TRIM14: variants seen among roughly 807,000 people sequenced by gnomAD.
TRIM14 encodes tripartite motif containing 14.
Under a neutral mutation model 44.5 loss-of-function variants are expected in TRIM14, and 28 were observed. The observed-to-expected ratio is 0.63, with a 90% CI of 0.47 to 0.86. TRIM14 has a LOEUF of 0.86. Ranked by LOEUF, TRIM14 falls within the 40% of genes least tolerant of loss-of-function variation. The pLI is 0.00. For missense variants in TRIM14, 607 were observed against 611.1 expected, an observed-to-expected ratio of 0.99 and a Z score of 0.07; for synonymous variants, 299 against 269.2, an observed-to-expected ratio of 1.11 and a Z score of -1.08.
chr9:98,068,446 CT>C (rs372735377), downstream of TRIM14, among the ~76,000 whole-genome samples: 25 of 148,882 alleles, frequency 1.7e-4, no homozygotes, highest in African/African-American at 4.7e-4. Context: ...CCATTTTTAG[CT>C]TTTTTTTTTC....
At chr9:98,111,080 G>C (rs1826836617) in intron 1 of TRIM14, among the ~76,000 whole-genome samples, 1 of 151,460 alleles carries the variant, frequency 6.6e-6, no homozygotes, top group Non-Finnish European at 1.5e-5. Flanking sequence ...ATTATCAGGT[G>C]CTGCTAGCTT....
At chr9:98,072,024 T>C (rs1829357282) in intron 6 of TRIM14, among the ~76,000 whole-genome samples, 1 of 152,224 alleles carries the variant, frequency 6.6e-6, no homozygotes, top group Non-Finnish European at 1.5e-5. Flanking sequence ...TTGGTTTTCC[T>C]TCCCTCTGCT....
the TRIM14 span, among the ~76,000 whole-genome samples, chr9:98,044,183 G>A: frequency 6.6e-6 from 1 of 151,574 alleles, no homozygotes; most frequent in Non-Finnish European, 1.5e-5. Flanking sequence ...CCTTCAGGAG[G>A]GCTGAAAGTG....
At chr9:98,091,292 T>C (rs1825984511) in intron 5 of TRIM14, among the ~76,000 whole-genome samples, 1 of 151,908 alleles carries the variant, frequency 6.6e-6, no homozygotes, top group Non-Finnish European at 1.5e-5. Context: ...CTAAAAACAA[T>C]GATAAAAATA....
the TRIM14 span, among the ~76,000 whole-genome samples, chr9:98,043,886 A>C: frequency 6.6e-6 from 1 of 152,164 alleles, no homozygotes; most frequent in African/African-American, 2.4e-5. Context: ...TCTTGTGCAC[A>C]AAGACCATAA....
At chr9:98,107,714 T>C (rs1564187092) in intron 2 of TRIM14, among the ~76,000 whole-genome samples, 2 of 152,032 alleles carry the variant, frequency 1.3e-5, no homozygotes, top group Admixed American at 6.6e-5. Flanking sequence ...TCATCCAGGC[T>C]GGAGTACAGA....
intron 6 of TRIM14, among the ~76,000 whole-genome samples, chr9:98,074,351 A>G (rs1829485475): frequency 6.6e-6 from 1 of 152,130 alleles, no homozygotes; most frequent in Non-Finnish European, 1.5e-5. Context: ...GCCGGGCTGC[A>G]TGGAACCCCA....
chr9:98,087,927 C>T lies in TRIM14; in HGVS notation c.872G>A (p.Cys291Tyr). ...RLSADRLTVRCGLLGSLGPVP... is the reference protein window; with the variant it reads ...RLSADRLTVRYGLLGSLGPVP... ...GGGCCCCAGGCTGCCCAGCAGGCCG[C>T]AGCGCACCGTCAGGCGATCGGCGGA... The change falls in exon 6 of 6, where the codon TGC becomes TAC. Residue 291 changes from cysteine (C) to tyrosine (Y), a missense_variant. Cys to Tyr is a radical substitution (Grantham distance 194). Coordinates refer to ENST00000341469, the MANE Select transcript of TRIM14 (RefSeq NM_014788.4). The T allele has an allele frequency of 6.4e-7, 1 of 1,566,310 alleles. No individual in the cohort carries two copies. The highest frequency in any genetic ancestry group is 1.7e-4 in the Middle Eastern group (1 of 5,948).
intron 2 of TRIM14, among the ~76,000 whole-genome samples, chr9:98,104,273 G>A (rs931955740): frequency 3.9e-5 from 6 of 152,210 alleles, no homozygotes; most frequent in Non-Finnish European, 7.3e-5. Context: ...ATGAACACAT[G>A]TTGAAGCAAC....
chr9:98,104,193 C>G (rs946922218), intron 2 of TRIM14, among the ~76,000 whole-genome samples: 1 of 152,046 alleles, frequency 6.6e-6, no homozygotes, highest in African/African-American at 2.4e-5. Context: ...GGTCAATGAG[C>G]CTGGACACAA....
chr9:98,099,826 T>C, intron 3 of TRIM14, 105 bp downstream of exon 3: 2 of 952,966 alleles, frequency 2.1e-6, no homozygotes, highest in Non-Finnish European at 3.2e-6. Flanking sequence ...AAGACAATAG[T>C]CCATGTACTT....
Position 98,095,098 on chromosome 9 carries a change from A to G in TRIM14, c.538-69T>C. 7 of 1,533,996 alleles carry G rather than the reference A, an allele frequency of 4.6e-6. No homozygotes were observed. The highest frequency in any genetic ancestry group is 6.1e-6 in the Non-Finnish European group (7 of 1,143,802). ...GCAGCATCCCAGCCTCCTGTGCTGC[A>G]CCCAGGAACAAACCCACACCAGCAT... is the stretch of plus-strand genomic sequence containing the variant. On this transcript the variant is annotated intron_variant, in intron 3 of 5. Transcript: ENST00000341469. The surrounding 1 kb of genome is among the most constrained non-coding windows in gnomAD (Gnocchi z 4.1).
chr9:98,113,513 C>T (rs1210568386), intron 1 of TRIM14, among the ~76,000 whole-genome samples: 1 of 152,124 alleles, frequency 6.6e-6, no homozygotes, highest in Non-Finnish European at 1.5e-5. Flanking sequence ...CACCACCACA[C>T]GCAGCTAATT....
At chr9:98,099,794 G>A (rs573680409) in intron 3 of TRIM14, 137 bp downstream of exon 3, 10 of 713,182 alleles carry the variant, frequency 1.4e-5, no homozygotes, top group African/African-American at 5.3e-5. Context: ...CTGTGTGGGG[G>A]CAAGACAGTC....
At chr9:98,040,203 C>T in the TRIM14 span, among the ~76,000 whole-genome samples, 1 of 152,152 alleles carries the variant, frequency 6.6e-6, no homozygotes, top group Non-Finnish European at 1.5e-5. Flanking sequence ...CCTCAGAACC[C>T]CTCAACTCTT....
chr9:98,053,888 A>C, the TRIM14 span, among the ~76,000 whole-genome samples: 23 of 152,142 alleles, frequency 1.5e-4, no homozygotes, highest in African/African-American at 2.9e-4. Flanking sequence ...ACTTTGTAAG[A>C]TGCTGCCCGA....
rs556530769 is a variant in TRIM14 at position 98,095,044 on chromosome 9, G to T, written c.538-15C>A. 1.2e-4 allele frequency: 192 copies of T among 1,607,878 alleles called. 2 individuals are homozygous for T. The East Asian group carries it at 3.1e-3, about 26-fold the overall frequency. On this transcript the variant is annotated splice_polypyrimidine_tract_variant and intron_variant, in intron 3 of 5. Transcript: ENST00000341469. This position sits in a 1 kb window ranked among gnomAD's most constrained non-coding sequence, Gnocchi z 4.1. ...GCCGTGTATGCCTGTGTGGGCACAC[G>T]GGGGTGAGGGTGGCTCTGGGAGATG...
downstream of TRIM14, among the ~76,000 whole-genome samples, chr9:98,066,564 C>A (rs753659928): frequency 7.9e-5 from 12 of 152,022 alleles, no homozygotes; most frequent in Non-Finnish European, 1.8e-4. Flanking sequence ...ACCGTTAGAA[C>A]ATTTTTTATC....
At chr9:98,041,502 T>C in the TRIM14 span, among the ~76,000 whole-genome samples, 1 of 151,466 alleles carries the variant, frequency 6.6e-6, no homozygotes, top group South Asian at 2.1e-4. Flanking sequence ...CATCTTTTTT[T>C]TTTTTTGAGA....
Sources: allele counts gnomAD v4.1 joint callset (sites outside exome capture counted in the v4.1 genomes callset), GRCh38; gene constraint gnomAD v4.1.1; non-coding constraint Gnocchi (gnomAD v3.1); transcripts MANE v1.5; gene names NCBI Gene and HGNC (gene_info 2026-07-23, HGNC 2026-07-21).